PLEKHG4B: variants seen among roughly 807,000 people sequenced by gnomAD.
PLEKHG4B encodes pleckstrin homology domain-containing family G member 4B.
PLEKHG4B carries 111 observed loss-of-function variants against 121.3 expected under a neutral mutation model. That is an observed-to-expected ratio of 0.92 (90% CI 0.78 to 1.07). The LOEUF is 1.07. Among genes scored for constraint, PLEKHG4B ranks in the 50% least tolerant of loss-of-function variants. The probability of loss-of-function intolerance (pLI) is 0.00; values close to 1 mark genes in which losing one functional copy is unlikely to be tolerated. For synonymous variants in PLEKHG4B, 738 were observed against 725.0 expected, an observed-to-expected ratio of 1.02 and a Z score of -0.29; for missense variants, 1,831 against 1,757.8, an observed-to-expected ratio of 1.04 and a Z score of -0.74.
chr5:144,634 G>A (rs1411341205), intron 5 of PLEKHG4B, among the ~76,000 whole-genome samples, 193 bp from the exon 6 acceptor site: 4 of 152,186 alleles, frequency 2.6e-5, no homozygotes, highest in East Asian at 3.8e-4. Flanking sequence ...CAGGTTCCAC[G>A]AGAGGAACAA....
chr5:103,517 A>G (rs1733884450), intron 1 of PLEKHG4B, among the ~76,000 whole-genome samples: 1 of 152,062 alleles, frequency 6.6e-6, no homozygotes, highest in African/African-American at 2.4e-5. Flanking sequence ...TCGACTCTGG[A>G]TATACTGCCA....
Position 156,636 on chromosome 5 carries a change from TG to T in PLEKHG4B, c.2349-134del. 8.4e-7 allele frequency: 1 copy of T among 1,193,308 alleles called. No individual in the cohort carries two copies. The highest frequency in any genetic ancestry group is 1.2e-6 in the Non-Finnish European group (1 of 864,896). 73.9% of individuals were successfully genotyped at this position (1,193,308 alleles called of 1,614,324 possible). ...GCACATCTGTGCCCCGCCTCGGTTGTGGGCCTCCTCCTGGGGCTCCCGTTGC... is the reference window on the plus strand; with the variant it reads ...GCACATCTGTGCCCCGCCTCGGTTGTGGCCTCCTCCTGGGGCTCCCGTTGC... On this transcript the variant is annotated intron_variant, in intron 10 of 19. Transcript: ENST00000637938. The surrounding 1 kb of genome is among the most constrained non-coding windows in gnomAD (Gnocchi z 4.4).
chr5:163,971 G>T (rs1049287270), intron 13 of PLEKHG4B, among the ~76,000 whole-genome samples: 1 of 152,236 alleles, frequency 6.6e-6, no homozygotes, highest in African/African-American at 2.4e-5. Context: ...CACTGAAGAG[G>T]CCCCTTCTCA....
At chr5:105,079 GGT>G (rs1733935763) in intron 1 of PLEKHG4B, among the ~76,000 whole-genome samples, 1 of 151,584 alleles carries the variant, frequency 6.6e-6, no homozygotes, top group African/African-American at 2.4e-5. Flanking sequence ...TTCTGGTTCT[GGT>G]GTTCCCGTCC....
At chr5:143,003 C>T (rs1735274314) in intron 3 of PLEKHG4B, 44 bp from the exon 4 acceptor site, 1 of 1,569,826 alleles carries the variant, frequency 6.4e-7, no homozygotes, top group African/African-American at 1.4e-5. Context: ...TTTCAACGCG[C>T]AGGAAAACCT....
intron 9 of PLEKHG4B, 114 bp from the exon 10 acceptor site, chr5:155,957 G>A (rs745432068): frequency 7.1e-5 from 81 of 1,139,612 alleles, no homozygotes; most frequent in African/African-American, 1.1e-4. Context: ...CTGTCATGCC[G>A]CCAGGCCTGC....
chr5:145,230 AC>A (rs1483338869), intron 6 of PLEKHG4B, among the ~76,000 whole-genome samples: 11 of 152,320 alleles, frequency 7.2e-5, no homozygotes, highest in Non-Finnish European at 4.4e-5. Flanking sequence ...GGTGGTGGGC[AC>A]CTGTCCCAGG....
chr5:94,829 G>A (rs1012742072), intron 1 of PLEKHG4B, among the ~76,000 whole-genome samples: 13 of 152,038 alleles, frequency 8.6e-5, no homozygotes, highest in African/African-American at 3.1e-4. Context: ...GTTGTCCTTC[G>A]GGCCAGTAGC....
rs767239542 is a variant in PLEKHG4B, at chr5:182,039, T to G, written c.4600T>G (p.Ser1534Ala). The G allele has an allele frequency of 6.2e-7, 1 of 1,614,162 alleles. No homozygotes were observed. The highest frequency in any genetic ancestry group is 8.5e-7 in the Non-Finnish European group (1 of 1,180,020). ...GAGAGGGTCCACAGCGGTGTCCTCCTCTGACCACGCCGCCCCCTTCAAGCG... is the reference window on the plus strand; with the variant it reads ...GAGAGGGTCCACAGCGGTGTCCTCCGCTGACCACGCCGCCCCCTTCAAGCG... ...QMRGSTAVSS[S>A]DHAAPFKRPH... The change falls in exon 20 of 20, where the codon TCT becomes GCT. Residue 1534 changes from serine to alanine, a missense_variant. Transcript: ENST00000637938.
At position 164,596 on chromosome 5, in the gene PLEKHG4B, C is replaced by T. The variant is rs111994779; in HGVS notation, c.3476+1048C>T. ...CGGAGCTCACACAGTAATGCTGTGA[C>T]GGAGCGGAGCTCACAGTAATGCTGT... On this transcript the variant is annotated intron_variant, in intron 13 of 19. Transcript: ENST00000637938. Among the ~76,000 whole-genome samples the T allele has an allele frequency of 1.3e-4, 6 of 45,140 alleles. 1 individual carries two copies. The highest frequency in any genetic ancestry group is 9.6e-4 in the South Asian group (1 of 1,044). 29.6% of individuals were successfully genotyped at this position (45,140 alleles called of 152,430 possible). A position where few individuals can be genotyped will look rare whatever the true frequency, so the allele number is the denominator to read the frequency against.
chr5:162,667 G>C, intron 12 of PLEKHG4B, 55 bp from the exon 13 acceptor site: 1 of 1,254,632 alleles, frequency 8.0e-7, no homozygotes, highest in East Asian at 3.0e-5. Flanking sequence ...GCCTGAGCTG[G>C]CTCCAGGGCA....
rs1733581155 is a variant in PLEKHG4B, at chr5:185,095, C to T, written c.*2772C>T. 1 of 152,068 alleles carries T rather than the reference C, an allele frequency of 6.6e-6. No homozygotes were observed. The highest frequency in any genetic ancestry group is 1.5e-5 in the Non-Finnish European group (1 of 68,020). 9.4% of individuals were successfully genotyped at this position (152,068 alleles called of 1,614,324 possible). A position where few individuals can be genotyped will look rare whatever the true frequency, so the allele number is the denominator to read the frequency against. ...CAAAGAATTACAGCTAATAGACCAACAGAGGAGATAAAATGGAATTTTTAA... is the reference window on the plus strand; with the variant it reads ...CAAAGAATTACAGCTAATAGACCAATAGAGGAGATAAAATGGAATTTTTAA... On this transcript the variant is annotated 3_prime_UTR_variant, in exon 20 of 20. Transcript: ENST00000637938.
intron 9 of PLEKHG4B, among the ~76,000 whole-genome samples, chr5:155,693 C>T (rs911185620): frequency 2.6e-5 from 4 of 152,146 alleles, no homozygotes; most frequent in Non-Finnish European, 5.9e-5. Context: ...CAGGTGTGAG[C>T]GGCAACCGCT....
chr5:121,028 C>T (rs948753533), intron 2 of PLEKHG4B, among the ~76,000 whole-genome samples: 5 of 152,124 alleles, frequency 3.3e-5, no homozygotes, highest in South Asian at 2.1e-4. Context: ...AGGCGGATCA[C>T]GAGGTCAGGA....
intron 18 of PLEKHG4B, among the ~76,000 whole-genome samples, chr5:181,196 C>T (rs891616788): frequency 6.6e-6 from 1 of 152,222 alleles, no homozygotes; most frequent in Non-Finnish European, 1.5e-5. Context: ...TAATTGGGAC[C>T]TGCTGTGTGG....
At chr5:104,291 G>A (rs979417336) in intron 1 of PLEKHG4B, among the ~76,000 whole-genome samples, 11 of 147,000 alleles carry the variant, frequency 7.5e-5, no homozygotes, top group African/African-American at 2.5e-4. Context: ...CCGATTCCTA[G>A]ACAACCTCAG....
intron 1 of PLEKHG4B, among the ~76,000 whole-genome samples, chr5:101,444 C>T (rs1733808362): frequency 8.3e-6 from 1 of 121,150 alleles, no homozygotes; most frequent in African/African-American, 4.4e-5. Flanking sequence ...CCATATAAAG[C>T]CCGGGGAAAA....
At position 113,235 on chromosome 5, in the gene PLEKHG4B, C is replaced by G; in HGVS notation, c.46-16C>G. ...GTTATGTCCCTAAAGTTTCTGAATT[C>G]TCTCTTTCATTTCAGGATCTGGAAT... On this transcript the variant is annotated splice_polypyrimidine_tract_variant and intron_variant, in intron 1 of 19. Transcript: ENST00000637938. The surrounding 1 kb of genome is among the most constrained non-coding windows in gnomAD (Gnocchi z 5.2). 1 of 399,178 alleles carries G rather than the reference C, an allele frequency of 2.5e-6. No homozygotes were observed. The allele number at this position is 399,178 out of a possible 1,614,324, so 24.7% of individuals were successfully genotyped here.
Position 113,546 on chromosome 5 carries a change from T to C in PLEKHG4B, c.243+98T>C. On this transcript the variant is annotated intron_variant, in intron 2 of 19. Transcript: ENST00000637938. This position sits in a 1 kb window ranked among gnomAD's most constrained non-coding sequence, Gnocchi z 5.2. ...GAATTGGGCCCATCAGGGCACTGGC[T>C]CAGTTCTTTCCTCTGGCTTCTGGCT... is the stretch of plus-strand genomic sequence containing the variant. The C allele has an allele frequency of 2.5e-6, 1 of 398,376 alleles. No individual in the cohort carries two copies. The highest frequency in any genetic ancestry group is 4.4e-6 in the Non-Finnish European group (1 of 226,158). 24.7% of individuals were successfully genotyped at this position (398,376 alleles called of 1,614,324 possible).
Sources: gnomAD v4.1 joint callset for allele counts (sites outside exome capture counted in the v4.1 genomes callset) on GRCh38, gnomAD v4.1.1 for gene constraint, Gnocchi (gnomAD v3.1) non-coding constraint, MANE v1.5 for transcripts, NCBI Gene and HGNC (gene_info 2026-07-23, HGNC 2026-07-21) for gene names.